Variants in ATXN7L1 observed in about 807,000 individuals in gnomAD.
The protein encoded by ATXN7L1 is ataxin-7-like protein 1.
In ATXN7L1, 15 loss-of-function variants were observed where a neutral mutation model predicts 70.8. That is an observed-to-expected ratio of 0.21 (90% CI 0.14 to 0.33). The LOEUF is 0.33. ATXN7L1 is among the 10% of genes least tolerant of loss of function. ATXN7L1 has a pLI of 1.00. For synonymous variants in ATXN7L1, 440 were observed against 445.1 expected, an observed-to-expected ratio of 0.99 and a Z score of 0.14; for missense variants, 975 against 1,097.1, an observed-to-expected ratio of 0.89 and a Z score of 1.57.
chr7:105,681,494 G>A (rs755826163), intron 3 of ATXN7L1, among the ~76,000 whole-genome samples: 17 of 152,094 alleles, frequency 1.1e-4, no homozygotes, highest in African/African-American at 1.9e-4. Context: ...AGAGTATGGC[G>A]GTTCCTCAAA....
At chr7:105,753,261 A>T (rs1182107108) in intron 3 of ATXN7L1, among the ~76,000 whole-genome samples, 1 of 152,228 alleles carries the variant, frequency 6.6e-6, no homozygotes, top group East Asian at 1.9e-4. Flanking sequence ...CTCTGCAACT[A>T]AGTGGCCACT....
intron 3 of ATXN7L1, among the ~76,000 whole-genome samples, chr7:105,765,515 C>A (rs1484799504): frequency 1.4e-4 from 22 of 152,166 alleles, no homozygotes; most frequent in Admixed American, 1.4e-3. Flanking sequence ...GGAACCCAGA[C>A]TCATCTCTTA....
chr7:105,660,257 A>G (rs1801377889), intron 4 of ATXN7L1, among the ~76,000 whole-genome samples: 1 of 152,116 alleles, frequency 6.6e-6, no homozygotes, highest in East Asian at 1.9e-4. Flanking sequence ...TGACCAGACT[A>G]CATGAGAAAA....
rs186392407 is a variant in ATXN7L1 at position 105,863,081 on chromosome 7, A to C, written c.250+12731T>G. ...TCCTAGAGAGCACACCCTTCATGAAATTACTAACAATCCCAATGCCATGAG... is the reference window on the plus strand; with the variant it reads ...TCCTAGAGAGCACACCCTTCATGAACTTACTAACAATCCCAATGCCATGAG... On this transcript the variant is annotated intron_variant, in intron 2 of 11. Transcript: ENST00000419735. 3.2e-3 allele frequency among the ~76,000 whole-genome samples: 490 copies of C among 152,304 alleles called. 2 individuals carry two copies. The highest frequency in any genetic ancestry group is 5.0e-3 in the Admixed American group (77 of 15,302).
chr7:105,800,989 G>A (rs941311384), intron 2 of ATXN7L1, among the ~76,000 whole-genome samples: 8 of 152,238 alleles, frequency 5.3e-5, no homozygotes, highest in East Asian at 1.9e-4. Flanking sequence ...GAGTCAGATC[G>A]CCTGAACTTG....
chr7:105,726,831 C>T lies in ATXN7L1; in HGVS notation c.356-61543G>A, dbSNP rs576913586. On this transcript the variant is annotated intron_variant, in intron 3 of 11. Transcript: ENST00000419735. ...TCAAGCAAATAAGGAGTTCCTGTAG[C>T]TTCATACAGTTGTGGCAGCATCTAC... Among the ~76,000 whole-genome samples the T allele has an allele frequency of 2.4e-4, 37 of 152,316 alleles. 1 individual carries two copies. The highest frequency in any genetic ancestry group is 6.8e-3 in the Middle Eastern group (2 of 294).
intron 2 of ATXN7L1, among the ~76,000 whole-genome samples, chr7:105,867,637 T>C (rs1317197440): frequency 6.6e-6 from 1 of 152,212 alleles, no homozygotes; most frequent in Non-Finnish European, 1.5e-5. Flanking sequence ...CGCCAGGGGA[T>C]AGTCACAGTA....
intron 3 of ATXN7L1, chr7:105,760,261 T>C (rs1464016663): frequency 2.0e-6 from 2 of 979,454 alleles, no homozygotes; most frequent in Non-Finnish European, 2.4e-6. Flanking sequence ...TATTTATGTA[T>C]GGTTTTACAG....
chr7:105,652,753 T>C (rs562962072), intron 4 of ATXN7L1, among the ~76,000 whole-genome samples: 1 of 152,334 alleles, frequency 6.6e-6, no homozygotes, highest in East Asian at 1.9e-4. Flanking sequence ...TCCTAAGCCT[T>C]TGGCCTTCAA....
intron 3 of ATXN7L1, among the ~76,000 whole-genome samples, chr7:105,697,035 A>G (rs1235705686): frequency 6.6e-6 from 1 of 152,232 alleles, no homozygotes; most frequent in Non-Finnish European, 1.5e-5. Flanking sequence ...GGTGACAGAC[A>G]TCAAGTACTT....
At chr7:105,641,808 G>A (rs2115922318) in intron 5 of ATXN7L1, among the ~76,000 whole-genome samples, 1 of 152,366 alleles carries the variant, frequency 6.6e-6, no homozygotes, top group South Asian at 2.1e-4. Flanking sequence ...AAGGTACAAT[G>A]CCTGCTTTAT....
chr7:105,733,841 CCCATCCATCCATCCAT>C (rs74665862), intron 3 of ATXN7L1, among the ~76,000 whole-genome samples: 2 of 52,940 alleles, frequency 3.8e-5, no homozygotes, highest in Non-Finnish European at 7.1e-5. Flanking sequence ...CATCCGTCCA[CCCATCCATCCATCCAT>C]CCATCCATCC....
At chr7:105,720,848 G>T (rs573260422) in intron 3 of ATXN7L1, among the ~76,000 whole-genome samples, 9 of 152,194 alleles carry the variant, frequency 5.9e-5, no homozygotes, top group African/African-American at 2.2e-4. Flanking sequence ...CTGTCCAGCA[G>T]AGCTGAGCAC....
chr7:105,610,969 C>T (rs1334021592), intron 10 of ATXN7L1, among the ~76,000 whole-genome samples: 1 of 152,248 alleles, frequency 6.6e-6, no homozygotes, highest in African/African-American at 2.4e-5. Context: ...CAAACGGTCA[C>T]ACAGCTCATA....
chr7:105,723,319 T>C (rs1795418999), intron 3 of ATXN7L1, among the ~76,000 whole-genome samples: 1 of 152,208 alleles, frequency 6.6e-6, no homozygotes, highest in Non-Finnish European at 1.5e-5. Flanking sequence ...TGCAAAGTAT[T>C]GCTGTGATGA....
At chr7:105,738,850 T>C (rs1356098955) in intron 3 of ATXN7L1, among the ~76,000 whole-genome samples, 1 of 152,230 alleles carries the variant, frequency 6.6e-6, no homozygotes, top group Admixed American at 6.5e-5. Flanking sequence ...CCATAACTAT[T>C]TGCTGGATGC....
At chr7:105,839,658 C>T (rs1812911541) in intron 2 of ATXN7L1, among the ~76,000 whole-genome samples, 1 of 152,174 alleles carries the variant, frequency 6.6e-6, no homozygotes. Flanking sequence ...GGATGACAGC[C>T]TTAGGTCCAG....
At chr7:105,628,395 C>G (rs186184171) in intron 7 of ATXN7L1, among the ~76,000 whole-genome samples, 211 of 152,034 alleles carry the variant, frequency 1.4e-3, no homozygotes, top group African/African-American at 4.8e-3. Context: ...GTTAGTAGTA[C>G]AGGTATATGT....
chr7:105,836,513 C>T (rs903157731), intron 2 of ATXN7L1, among the ~76,000 whole-genome samples: 9 of 152,104 alleles, frequency 5.9e-5, no homozygotes, highest in Admixed American at 2.6e-4. Flanking sequence ...TCCAGAGAAG[C>T]GGGGAAGGAA....
Sources: gnomAD v4.1 joint callset for allele counts (sites outside exome capture counted in the v4.1 genomes callset) on GRCh38, gnomAD v4.1.1 for gene constraint, MANE v1.5 for transcripts, NCBI Gene and HGNC (gene_info 2026-07-23, HGNC 2026-07-21) for gene names.